Variants in GPC6 observed in about 807,000 individuals in gnomAD.
The protein encoded by GPC6 is glypican 6, also known as glypican-6.
GPC6 carries 14 observed loss-of-function variants against 55.2 expected under a neutral mutation model. That is an observed-to-expected ratio of 0.25 (90% CI 0.17 to 0.40). The LOEUF (loss-of-function observed/expected upper bound fraction) is 0.40, where lower values mean the gene tolerates loss of function less well. Ranked by LOEUF, GPC6 falls within the 10% of genes least tolerant of loss-of-function variation. GPC6 has a pLI of 1.00. For synonymous variants in GPC6, 278 were observed against 259.6 expected, an observed-to-expected ratio of 1.07 and a Z score of -0.68; for missense variants, 641 against 708.5, an observed-to-expected ratio of 0.90 and a Z score of 1.08.
chr13:94,054,255 G>T (rs1026783524), intron 4 of GPC6, among the ~76,000 whole-genome samples: 3 of 152,194 alleles, frequency 2.0e-5, no homozygotes, highest in Non-Finnish European at 4.4e-5. Context: ...CATCAGCCCA[G>T]GTGGTTGTGG....
At position 93,829,807 on chromosome 13, in the gene GPC6, C is replaced by T. The variant is rs116943509; in HGVS notation, c.320-347C>T. Reference sequence around the variant, plus strand: ...TCATTATGTAAACAACAATACTCTGCACGTTATATTTGCAATATATTTTGA... The same window carrying T: ...TCATTATGTAAACAACAATACTCTGTACGTTATATTTGCAATATATTTTGA... On this transcript the variant is annotated intron_variant, in intron 2 of 8. Transcript: ENST00000377047. Among the ~76,000 whole-genome samples, 1,254 of 152,180 alleles carry T rather than the reference C, an allele frequency of 8.2e-3. 13 individuals are homozygous for T. Among genetic ancestry groups the T allele is most frequent in the Non-Finnish European group, 0.011 (744 of 68,012 alleles).
chr13:93,539,913 A>G (rs1882220227), intron 1 of GPC6, among the ~76,000 whole-genome samples: 1 of 152,052 alleles, frequency 6.6e-6, no homozygotes, highest in East Asian at 1.9e-4. Flanking sequence ...CTGGTCTCAA[A>G]CTAACGACCT....
At chr13:94,354,456 TA>T (rs1314536460) in intron 6 of GPC6, among the ~76,000 whole-genome samples, 1 of 152,142 alleles carries the variant, frequency 6.6e-6, no homozygotes, top group Non-Finnish European at 1.5e-5. Context: ...GAGATACTGA[TA>T]AAATAAAGTG....
chr13:93,417,937 T>C (rs1876765987), intron 1 of GPC6, among the ~76,000 whole-genome samples: 1 of 152,076 alleles, frequency 6.6e-6, no homozygotes, highest in Admixed American at 6.6e-5. Context: ...TTGTCAACGA[T>C]TCACTTCTAC....
At chr13:93,427,208 T>C (rs1359757554) in intron 1 of GPC6, among the ~76,000 whole-genome samples, 1 of 152,140 alleles carries the variant, frequency 6.6e-6, no homozygotes, top group Non-Finnish European at 1.5e-5. Flanking sequence ...GCCATCTCCA[T>C]CAAGCTACCA....
intron 3 of GPC6, chr13:93,830,978 G>A (rs1435424996): frequency 1.2e-5 from 2 of 166,294 alleles, no homozygotes; most frequent in South Asian, 3.0e-4. Flanking sequence ...ACAAGTTATT[G>A]TTCAGGACAT....
At chr13:93,276,668 C>T (rs993913135) in intron 1 of GPC6, among the ~76,000 whole-genome samples, 1 of 152,094 alleles carries the variant, frequency 6.6e-6, no homozygotes, top group Non-Finnish European at 1.5e-5. Context: ...TCTTGGGACT[C>T]GGGGACGGAG....
intron 2 of GPC6, among the ~76,000 whole-genome samples, chr13:93,548,730 C>T (rs527657327): frequency 5.8e-4 from 89 of 152,234 alleles, no homozygotes; most frequent in African/African-American, 2.1e-3. Flanking sequence ...TCCTAAGTTT[C>T]TATGCTTAGC....
intron 2 of GPC6, among the ~76,000 whole-genome samples, chr13:93,638,062 T>A (rs996056556): frequency 6.6e-5 from 10 of 152,112 alleles, no homozygotes; most frequent in African/African-American, 2.2e-4. Context: ...AAATCAATAA[T>A]GAAGTCAACA....
chr13:93,660,955 G>T (rs967161570), intron 2 of GPC6, among the ~76,000 whole-genome samples: 1 of 152,178 alleles, frequency 6.6e-6, no homozygotes, highest in Non-Finnish European at 1.5e-5. Flanking sequence ...GGGAGCAAGG[G>T]TTGGGTTCAA....
chr13:94,258,024 C>T (rs1891554415), intron 4 of GPC6, among the ~76,000 whole-genome samples: 1 of 152,034 alleles, frequency 6.6e-6, no homozygotes, highest in African/African-American at 2.4e-5. Context: ...AAAGTTAATA[C>T]TTTTTAGAAG....
At chr13:93,636,453 A>C (rs978181350) in intron 2 of GPC6, among the ~76,000 whole-genome samples, 34 of 152,196 alleles carry the variant, frequency 2.2e-4, no homozygotes, top group African/African-American at 8.0e-4. Flanking sequence ...AGAATGCATG[A>C]TCACATATCC....
At chr13:93,309,122 T>A (rs1252430640) in intron 1 of GPC6, among the ~76,000 whole-genome samples, 2 of 152,172 alleles carry the variant, frequency 1.3e-5, no homozygotes, top group Non-Finnish European at 2.9e-5. Flanking sequence ...GACCTTTATT[T>A]CTTTTTAGAA....
chr13:93,833,110 AGAGAGAGAG>A (rs1887587893), intron 3 of GPC6, among the ~76,000 whole-genome samples: 13 of 17,220 alleles, frequency 7.5e-4, no homozygotes, highest in African/African-American at 3.7e-3. Flanking sequence ...TAGATGATAG[AGAGAGAGAG>A]AGAGAGAGAG....
At chr13:93,924,331 G>C (rs9524280) in intron 3 of GPC6, among the ~76,000 whole-genome samples, 1 of 152,226 alleles carries the variant, frequency 6.6e-6, no homozygotes, top group Non-Finnish European at 1.5e-5. Flanking sequence ...GGACATTCAG[G>C]AGTGGCAACA....
At chr13:93,465,864 A>G (rs1212090850) in intron 1 of GPC6, among the ~76,000 whole-genome samples, 1 of 152,186 alleles carries the variant, frequency 6.6e-6, no homozygotes, top group Non-Finnish European at 1.5e-5. Context: ...TGAAAGAGGT[A>G]CTACTCTTTT....
intron 3 of GPC6, among the ~76,000 whole-genome samples, chr13:94,027,426 G>A (rs1436123709): frequency 2.6e-5 from 4 of 152,086 alleles, no homozygotes; most frequent in African/African-American, 9.7e-5. Flanking sequence ...TTTTTATGGG[G>A]CTTTTAACTT....
chr13:94,007,048 A>G (rs1882050676), intron 3 of GPC6, among the ~76,000 whole-genome samples: 1 of 152,276 alleles, frequency 6.6e-6, no homozygotes, highest in East Asian at 1.9e-4. Context: ...TTACAAACTA[A>G]TTTTTAAAGC....
chr13:93,773,240 T>C (rs1885359033), intron 2 of GPC6, among the ~76,000 whole-genome samples: 1 of 152,224 alleles, frequency 6.6e-6, no homozygotes, highest in Admixed American at 6.5e-5. Flanking sequence ...GGATTCACTT[T>C]TTCAGGAACT....
Sources: gnomAD v4.1 joint callset for allele counts (sites outside exome capture counted in the v4.1 genomes callset) on GRCh38, gnomAD v4.1.1 for gene constraint, MANE v1.5 for transcripts, NCBI Gene and HGNC (gene_info 2026-07-23, HGNC 2026-07-21) for gene names.